Variants in TRPV5 observed in about 807,000 individuals in gnomAD.
TRPV5 encodes transient receptor potential cation channel subfamily V member 5, also known as calcium transport protein 2.
In TRPV5, 66 loss-of-function variants were observed where a neutral mutation model predicts 74.1. The ratio of observed to expected loss-of-function variants is 0.89; its 90% CI spans 0.73 to 1.09. TRPV5 has a LOEUF of 1.09. Ranked by LOEUF, TRPV5 falls within the 50% of genes least tolerant of loss-of-function variation. The probability of loss-of-function intolerance (pLI) is 0.00; values close to 1 mark genes in which losing one functional copy is unlikely to be tolerated. For missense variants in TRPV5, 936 were observed against 930.4 expected, an observed-to-expected ratio of 1.01 and a Z score of -0.08; for synonymous variants, 399 against 360.7, an observed-to-expected ratio of 1.11 and a Z score of -1.20.
At position 142,933,726 on chromosome 7, in the gene TRPV5, T is replaced by A. The variant is rs1023994398; in HGVS notation, c.-267A>T. ...GTGGTTGTGAGGTGGTGTGTGTGCA[T>A]GCAGGTGCGCTGAGGGGACTGACCG... On this transcript the variant is annotated 5_prime_UTR_variant, in exon 1 of 15. It removes an upstream start codon present in the reference 5' UTR. Coordinates refer to ENST00000265310, the MANE Select transcript of TRPV5 (RefSeq NM_019841.7). 4.4e-5 allele frequency: 20 copies of A among 452,868 alleles called. No individual in the cohort carries two copies. The highest frequency in any genetic ancestry group is 3.9e-4 in the African/African-American group (19 of 49,348). 28.1% of individuals were successfully genotyped at this position (452,868 alleles called of 1,614,324 possible).
chr7:142,918,703 CAGGA>C (rs4252472), intron 8 of TRPV5, among the ~76,000 whole-genome samples: 4,426 of 152,134 alleles, frequency 0.029, 205 homozygotes, highest in African/African-American at 0.1. Context: ...GAGGTGATGA[CAGGA>C]AGGAAGAGCT....
intron 1 of TRPV5, among the ~76,000 whole-genome samples, chr7:142,932,853 G>A (rs1166256491): frequency 1.3e-5 from 2 of 152,188 alleles, no homozygotes; most frequent in African/African-American, 2.4e-5. Flanking sequence ...AGTGTCACCT[G>A]AGCTGCCCTC....
rs781740854 is a variant in TRPV5 at position 142,914,685 on chromosome 7, G to A, written c.1474C>T (p.Arg492Cys). 18 of 1,613,640 alleles carry A rather than the reference G, an allele frequency of 1.1e-5. No homozygotes were observed. Among genetic ancestry groups the A allele is most frequent in the African/African-American group, 2.7e-5 (2 of 74,870 alleles). Reference protein sequence around the residue: ...IQKMIFGDLMRFCWLMAVVIL... With the variant: ...IQKMIFGDLMCFCWLMAVVIL... The stretch of plus-strand genomic sequence containing the variant: ...ACCACAGCCATCAGCCAGCAGAAAC[G>A]CATTAGGTCTCCAAAAATCATCTGC... The change falls in exon 12 of 15, where the codon CGT becomes TGT. Residue 492 changes from arginine (R) to cysteine (C), a missense_variant. Coordinates refer to ENST00000265310, the MANE Select transcript of TRPV5 (RefSeq NM_019841.7).
At chr7:142,912,837 G>GATCTATCTACCTATCT in intron 12 of TRPV5, 87 bp from the exon 13 acceptor site, 2 of 734,312 alleles carry the variant, frequency 2.7e-6, no homozygotes, top group African/African-American at 1.8e-5. Context: ...TTCTATCTCT[G>GATCTATCTACCTATCT]ATCTATCTAT....
In TRPV5 at chr7:142,925,726, C is replaced by T; in HGVS notation, c.925G>A (p.Glu309Lys). 6.2e-7 allele frequency: 1 copy of T among 1,614,038 alleles called. No individual in the cohort carries two copies. Among genetic ancestry groups the T allele is most frequent in the Non-Finnish European group, 8.5e-7 (1 of 1,179,978 alleles). ...SDKREARQIL[E>K]QTPVKELVSF... ...ACCAGCTCCTTCACTGGGGTCTGTT[C>T]CAGAATTTGGCGAGCCTGGCATGGA... The change falls in exon 8 of 15, where the codon GAA becomes AAA. Residue 309 changes from glutamate to lysine, a missense_variant. Coordinates refer to ENST00000265310, the MANE Select transcript of TRPV5 (RefSeq NM_019841.7).
chr7:142,912,851 T>TCTATCTAC, intron 12 of TRPV5, 101 bp from the exon 13 acceptor site: 1 of 888,508 alleles, frequency 1.1e-6, no homozygotes, highest in South Asian at 1.8e-5. Context: ...TATCTATCTA[T>TCTATCTAC]CTATCTATCT....
chr7:142,925,885 T>C, intron 7 of TRPV5, 144 bp from the exon 8 acceptor site: 1 of 730,500 alleles, frequency 1.4e-6, no homozygotes. Context: ...GTATATTTCC[T>C]GCATATGGCT....
intron 13 of TRPV5, 127 bp downstream of exon 13, chr7:142,912,355 C>A: frequency 7.8e-7 from 1 of 1,287,316 alleles, no homozygotes; most frequent in East Asian, 2.4e-5. Flanking sequence ...ACACAAACCT[C>A]TTCTGAGGTG....
intron 14 of TRPV5, among the ~76,000 whole-genome samples, chr7:142,909,272 T>C (rs1586211863): frequency 6.6e-6 from 1 of 152,230 alleles, no homozygotes; most frequent in East Asian, 1.9e-4. Flanking sequence ...TTACAGCAAG[T>C]CTGGTAACCC....
Position 142,912,497 on chromosome 7 carries a change from C to T in TRPV5, c.1773G>A (p.Glu591=), listed in dbSNP as rs1181866790. The T allele has an allele frequency of 3.7e-6, 6 of 1,613,946 alleles. No individual in the cohort carries two copies. The African/African-American group carries it at 6.7e-5, about 18-fold the overall frequency. ...THWRVAQERD[E]LWRAQVVATT... ...ATAAACTCACCTGGGCCCTCCAGAGCTCATCCCTCTCCTGGGCCACCCTCC... is the reference window on the plus strand; with the variant it reads ...ATAAACTCACCTGGGCCCTCCAGAGTTCATCCCTCTCCTGGGCCACCCTCC... Residue 591 remains glutamate, a synonymous_variant, in exon 13 of 15, where the codon GAG becomes GAA. Transcript: ENST00000265310.
Position 142,933,629 on chromosome 7 carries a change from GCAGTA to G in TRPV5, c.-175_-171del. Reference sequence around the variant, plus strand: ...AGCTTGTAGGTGTGTGTGTGTGCATGCAGTATGTGGGTTGTGGGGTGTGCGTGTAT... The same window carrying G: ...AGCTTGTAGGTGTGTGTGTGTGCATGTGTGGGTTGTGGGGTGTGCGTGTAT... On this transcript the variant is annotated 5_prime_UTR_variant, in exon 1 of 15. It removes the in-frame stop codon of an upstream open reading frame in the 5' UTR. Transcript: ENST00000265310. 1 of 848,338 alleles carries G rather than the reference GCAGTA, an allele frequency of 1.2e-6. No individual in the cohort carries two copies. Among genetic ancestry groups the G allele is most frequent in the Admixed American group, 2.6e-5 (1 of 38,148 alleles). The allele number at this position is 848,338 out of a possible 1,614,324, so 52.6% of individuals were successfully genotyped here. A position where few individuals can be genotyped will look rare whatever the true frequency, so the allele number is the denominator to read the frequency against.
chr7:142,915,206 G>C (rs895810210), intron 10 of TRPV5, 101 bp downstream of exon 10: 1 of 1,530,658 alleles, frequency 6.5e-7, no homozygotes, highest in Non-Finnish European at 8.9e-7. Context: ...AGAAGTCCTT[G>C]GAGTGAGAGT....
In TRPV5 at chr7:142,930,333, T is replaced by G. The variant is rs905510904; in HGVS notation, c.226+16A>C. 2 of 1,613,528 alleles carry G rather than the reference T, an allele frequency of 1.2e-6. No homozygotes were observed. Among genetic ancestry groups the G allele is most frequent in the Non-Finnish European group, 8.5e-7 (1 of 1,179,442 alleles). On this transcript the variant is annotated intron_variant, in intron 2 of 14. Transcript: ENST00000265310. Reference sequence around the variant, plus strand: ...TCTTCTGCCCCCACCTCCATCCCATTAAATCCAGATCCCACCTCTTTGTCG... The same window carrying G: ...TCTTCTGCCCCCACCTCCATCCCATGAAATCCAGATCCCACCTCTTTGTCG...
Position 142,925,584 on chromosome 7 carries a change from C to G in TRPV5, c.1067G>C (p.Gly356Ala). 1 of 1,614,154 alleles carries G rather than the reference C, an allele frequency of 6.2e-7. No individual in the cohort carries two copies. Among genetic ancestry groups the G allele is most frequent in the Non-Finnish European group, 8.5e-7 (1 of 1,180,028 alleles). The change falls in exon 8 of 15, where the codon GGT (glycine) becomes GCT (alanine). Residue 356 changes from glycine to alanine, a missense_variant. By Grantham distance (60) the Gly-to-Ala change is moderately conservative. Coordinates refer to ENST00000265310, the MANE Select transcript of TRPV5 (RefSeq NM_019841.7). ...CCVYRPLKFR[G>A]GNRTHSRDIT... ...GTCTCGAGAATGAGTGCGGTTGCCA[C>G]CACGAAACTTAAGGGGGCGGTAGAC...
In TRPV5 at chr7:142,914,916, G is replaced by A; in HGVS notation, c.1417C>T (p.Gln473Ter). The A allele has an allele frequency of 6.2e-7, 1 of 1,614,134 alleles. No homozygotes were observed. The highest frequency in any genetic ancestry group is 1.1e-5 in the South Asian group (1 of 91,068). Residue 473 changes from glutamine to a stop codon, truncating the protein, a stop_gained, in exon 11 of 15, where the codon CAG (glutamine) becomes TAG (stop). Coordinates refer to ENST00000265310, the MANE Select transcript of TRPV5 (RefSeq NM_019841.7). LOFTEE classifies it high-confidence loss of function. ...ATGATGGTGAAGGGACCCAGCATCTGGAATCCTCGAGTGAAATACATGACA... is the reference window on the plus strand; with the variant it reads ...ATGATGGTGAAGGGACCCAGCATCTAGAATCCTCGAGTGAAATACATGACA... ...CSVMYFTRGF[Q>*]MLGPFTIMIQ...
At chr7:142,926,366 G>A (rs753048001) in intron 7 of TRPV5, among the ~76,000 whole-genome samples, 2 of 152,166 alleles carry the variant, frequency 1.3e-5, no homozygotes, top group Non-Finnish European at 2.9e-5. Flanking sequence ...CCAGTGAGAC[G>A]TTAAAGATAC....
intron 4 of TRPV5, 34 bp downstream of exon 4, chr7:142,929,394 G>C: frequency 6.2e-7 from 1 of 1,604,464 alleles, no homozygotes; most frequent in East Asian, 2.2e-5. Context: ...CGCCTCTCCA[G>C]CCAACCATCC....
At chr7:142,923,312 GA>G (rs113676864) in intron 8 of TRPV5, among the ~76,000 whole-genome samples, 29 of 151,652 alleles carry the variant, frequency 1.9e-4, no homozygotes, top group African/African-American at 3.4e-4. Flanking sequence ...AAAACAGTAG[GA>G]AAAAAAAGGA....
At position 142,933,500 on chromosome 7, in the gene TRPV5, C is replaced by G; in HGVS notation, c.-41G>C. On this transcript the variant is annotated 5_prime_UTR_variant, in exon 1 of 15. Coordinates refer to ENST00000265310, the MANE Select transcript of TRPV5 (RefSeq NM_019841.7). ...ACACTGGCAGATTATAGAAATGTGG[C>G]GAAAGAAACAGGTCTAGGATGACAG... 6.3e-7 allele frequency: 1 copy of G among 1,597,760 alleles called. No individual in the cohort carries two copies. The highest frequency in any genetic ancestry group is 8.5e-7 in the Non-Finnish European group (1 of 1,172,610).
Sources: gnomAD v4.1 joint callset for allele counts (sites outside exome capture counted in the v4.1 genomes callset) on GRCh38, gnomAD v4.1.1 for gene constraint, MANE v1.5 for transcripts, NCBI Gene and HGNC (gene_info 2026-07-23, HGNC 2026-07-21) for gene names.